MCTP1: variants seen among roughly 807,000 people sequenced by gnomAD.
MCTP1 encodes multiple C2 and transmembrane domain-containing protein 1.
MCTP1 carries 69 observed loss-of-function variants against 120.6 expected under a neutral mutation model. The ratio of observed to expected loss-of-function variants is 0.57; its 90% CI spans 0.47 to 0.70. The LOEUF is 0.70. MCTP1 is among the 30% of genes least tolerant of loss of function. The pLI is 0.00. For synonymous variants in MCTP1, 529 were observed against 493.1 expected (o/e 1.07, Z -0.96); for missense variants, 1,203 against 1,248.8 (o/e 0.96, Z 0.55).
At chr5:94,954,513 A>G (rs573661675) in intron 2 of MCTP1, among the ~76,000 whole-genome samples, 1 of 152,254 alleles carries the variant, frequency 6.6e-6, no homozygotes, top group East Asian at 1.9e-4. Context: ...ACTATGCAAT[A>G]CATCCATGTA....
intron 1 of MCTP1, among the ~76,000 whole-genome samples, chr5:95,044,941 T>C (rs1336901223): frequency 6.6e-6 from 1 of 152,146 alleles, no homozygotes; most frequent in Non-Finnish European, 1.5e-5. Context: ...GAAGTGATCG[T>C]CAAGCATCAA....
chr5:94,763,364 C>T (rs1386848168), intron 19 of MCTP1, among the ~76,000 whole-genome samples: 1 of 152,182 alleles, frequency 6.6e-6, no homozygotes, highest in African/African-American at 2.4e-5. Context: ...TTTCTAGTGT[C>T]ATTTCCCTCG....
At chr5:94,867,033 C>T in intron 17 of MCTP1, 1 of 275,486 alleles carries the variant, frequency 3.6e-6, no homozygotes, top group Non-Finnish European at 6.5e-6. Context: ...GTTATATGAC[C>T]CCATAAAACC....
At chr5:94,995,619 T>A (rs564546145) in intron 2 of MCTP1, among the ~76,000 whole-genome samples, 3 of 152,332 alleles carry the variant, frequency 2.0e-5, no homozygotes, top group African/African-American at 7.2e-5. Flanking sequence ...GAAAGAGTTA[T>A]CCCTAAACAA....
chr5:95,136,941 A>C (rs1344735853), intron 1 of MCTP1, among the ~76,000 whole-genome samples: 1 of 152,228 alleles, frequency 6.6e-6, no homozygotes, highest in Non-Finnish European at 1.5e-5. Flanking sequence ...AATGGAGAAA[A>C]ATTATATTTT....
At chr5:94,885,610 C>G (rs1272786096) in intron 12 of MCTP1, among the ~76,000 whole-genome samples, 1 of 151,350 alleles carries the variant, frequency 6.6e-6, no homozygotes, top group Non-Finnish European at 1.5e-5. Flanking sequence ...CCACCCCACC[C>G]CGCTGGCCTT....
intron 6 of MCTP1, chr5:94,931,498 T>TG (rs1403411100): frequency 6.5e-6 from 1 of 152,956 alleles, no homozygotes; most frequent in Non-Finnish European, 1.5e-5. Flanking sequence ...GAAGAGACAA[T>TG]GGGGAAAAAT....
At chr5:94,738,590 C>G (rs1764813299) in intron 19 of MCTP1, among the ~76,000 whole-genome samples, 1 of 152,122 alleles carries the variant, frequency 6.6e-6, no homozygotes, top group African/African-American at 2.4e-5. Flanking sequence ...AACTCAAAGC[C>G]CATTGCCTAC....
At chr5:95,114,443 AG>A (rs936792968) in intron 1 of MCTP1, among the ~76,000 whole-genome samples, 1 of 152,164 alleles carries the variant, frequency 6.6e-6, no homozygotes, top group Non-Finnish European at 1.5e-5. Context: ...GGTGAGTAGC[AG>A]GCCAGGCAGC....
chr5:95,251,725 A>T (rs1391897685), intron 1 of MCTP1, among the ~76,000 whole-genome samples: 3 of 152,138 alleles, frequency 2.0e-5, no homozygotes, highest in Non-Finnish European at 4.4e-5. Context: ...TATGGTGCTT[A>T]CTATTATAGT....
At chr5:94,992,570 C>T (rs535965454) in intron 2 of MCTP1, among the ~76,000 whole-genome samples, 3 of 152,198 alleles carry the variant, frequency 2.0e-5, no homozygotes, top group East Asian at 1.9e-4. Context: ...CAAGCTCCTA[C>T]GACTTTATGC....
intron 17 of MCTP1, among the ~76,000 whole-genome samples, chr5:94,829,594 G>A (rs1409964518): frequency 1.3e-5 from 2 of 152,036 alleles, no homozygotes; most frequent in Admixed American, 6.6e-5. Flanking sequence ...GTCAGTTAAC[G>A]GGGACAGATA....
chr5:95,201,463 GGTTTTTTTTTTTTTTTTTTTTTTTT>G (rs1751018073), intron 1 of MCTP1, among the ~76,000 whole-genome samples: 1 of 120,682 alleles, frequency 8.3e-6, no homozygotes, highest in African/African-American at 3.0e-5. Flanking sequence ...AAGGAAAAGT[GGTTTTTTTTTTTTTTTTTTTTTTTT>G]TTTTTTTTTT....
intron 17 of MCTP1, among the ~76,000 whole-genome samples, chr5:94,799,870 A>G (rs1429325245): frequency 3.9e-5 from 6 of 152,168 alleles, no homozygotes; most frequent in African/African-American, 1.2e-4. Context: ...GAACACTTAC[A>G]TTATAAAACA....
At chr5:94,949,476 TAA>T (rs1819936430) in intron 3 of MCTP1, among the ~76,000 whole-genome samples, 1 of 152,158 alleles carries the variant, frequency 6.6e-6, no homozygotes, top group African/African-American at 2.4e-5. Flanking sequence ...TCATTAAAAT[TAA>T]AAGTTACATA....
intron 2 of MCTP1, chr5:94,979,460 AG>A (rs1371027284): frequency 6.6e-6 from 1 of 152,126 alleles, no homozygotes; most frequent in Admixed American, 6.6e-5. Context: ...TTCTATATGC[AG>A]GAAGAGTGAA....
intron 19 of MCTP1, among the ~76,000 whole-genome samples, chr5:94,756,847 GT>G (rs1770014663): frequency 1.3e-5 from 2 of 151,960 alleles, no homozygotes; most frequent in African/African-American, 2.4e-5. Flanking sequence ...TGCATGTTAT[GT>G]ATTAAAGTAC....
chr5:95,254,632 A>C (rs1034989730), intron 1 of MCTP1, among the ~76,000 whole-genome samples: 1 of 152,194 alleles, frequency 6.6e-6, no homozygotes, highest in African/African-American at 2.4e-5. Flanking sequence ...GTAGACATGG[A>C]TACTATGTTA....
intron 8 of MCTP1, among the ~76,000 whole-genome samples, chr5:94,916,781 T>C (rs1810181498): frequency 6.6e-6 from 1 of 152,172 alleles, no homozygotes; most frequent in Admixed American, 6.5e-5. Flanking sequence ...TCTGACCCCA[T>C]CTAGACTAAC....
Sources: allele counts gnomAD v4.1 joint callset (sites outside exome capture counted in the v4.1 genomes callset), GRCh38; gene constraint gnomAD v4.1.1; transcripts MANE v1.5; gene names NCBI Gene and HGNC (gene_info 2026-07-23, HGNC 2026-07-21).